Variants in SH2D4B observed in about 807,000 individuals in gnomAD.
SH2D4B encodes SH2 domain containing 4B, also known as SH2 domain-containing protein 4B.
In SH2D4B, 45 loss-of-function variants were observed where a neutral mutation model predicts 61.5. That is an observed-to-expected ratio of 0.73 (90% CI 0.58 to 0.94). The LOEUF (loss-of-function observed/expected upper bound fraction) is 0.94, where lower values mean the gene tolerates loss of function less well. Among genes scored for constraint, SH2D4B ranks in the 40% least tolerant of loss-of-function variants. SH2D4B has a pLI of 0.00. For missense variants in SH2D4B, 572 were observed against 574.2 expected (o/e 1.00, Z 0.04); for synonymous variants, 224 against 220.4 (o/e 1.02, Z -0.14).
intron 6 of SH2D4B, among the ~76,000 whole-genome samples, chr10:80,622,833 C>G (rs1842729914): frequency 6.6e-6 from 1 of 152,192 alleles, no homozygotes; most frequent in African/African-American, 2.4e-5. Context: ...GTGGTTTATT[C>G]CTACCACCAT....
intron 5 of SH2D4B, 135 bp from the exon 6 acceptor site, chr10:80,609,289 C>A: frequency 1.2e-6 from 1 of 807,904 alleles, no homozygotes; most frequent in Admixed American, 2.8e-5. Context: ...CTCCCCTGCC[C>A]CTTCTTCCAC....
At chr10:80,565,308 C>G (rs764413255) in intron 1 of SH2D4B, among the ~76,000 whole-genome samples, 5 of 152,168 alleles carry the variant, frequency 3.3e-5, no homozygotes, top group Non-Finnish European at 4.4e-5. Flanking sequence ...CTGTACCCCC[C>G]ACCCCCAGCC....
intron 3 of SH2D4B, among the ~76,000 whole-genome samples, chr10:80,582,738 A>G (rs1450011752): frequency 6.6e-6 from 1 of 152,162 alleles, no homozygotes; most frequent in East Asian, 1.9e-4. Flanking sequence ...AGACTTGAGG[A>G]AATTTACAAG....
intron 4 of SH2D4B, among the ~76,000 whole-genome samples, chr10:80,591,504 G>GCTT (rs1390293999): frequency 7.1e-5 from 8 of 113,376 alleles, no homozygotes; most frequent in Non-Finnish European, 1.1e-4. Context: ...AGCCAAACTG[G>GCTT]CTTTTTTTTT....
chr10:80,601,908 A>G (rs1842455123), intron 4 of SH2D4B, among the ~76,000 whole-genome samples: 1 of 152,208 alleles, frequency 6.6e-6, no homozygotes, highest in South Asian at 2.1e-4. Flanking sequence ...GGGCTGGGGC[A>G]TTAGCCTGGT....
chr10:80,540,462 C>T (rs1290032715), intron 1 of SH2D4B, among the ~76,000 whole-genome samples: 1 of 152,182 alleles, frequency 6.6e-6, no homozygotes, highest in African/African-American at 2.4e-5. Context: ...CCTTGCTGCT[C>T]CCGTGTCCCT....
At chr10:80,600,633 G>C (rs1403387047) in intron 4 of SH2D4B, among the ~76,000 whole-genome samples, 2 of 152,116 alleles carry the variant, frequency 1.3e-5, no homozygotes, top group Non-Finnish European at 2.9e-5. Flanking sequence ...GCAGGCCAAG[G>C]TGTTTGTATT....
Position 80,585,898 on chromosome 10 carries a change from G to A in SH2D4B, c.496-2732G>A, listed in dbSNP as rs1056687761. Among the ~76,000 whole-genome samples the A allele has an allele frequency of 6.6e-5, 10 of 152,078 alleles. 1 individual carries two copies. Among genetic ancestry groups the A allele is most frequent in the Admixed American group, 5.2e-4 (8 of 15,280 alleles). On this transcript the variant is annotated intron_variant, in intron 3 of 7. Transcript: ENST00000646907. ...GGAGGGAGAGGCACAAGCAGGAACCGGGGCTGCACGTGGCGCTTGCGGGCC... is the reference window on the plus strand; with the variant it reads ...GGAGGGAGAGGCACAAGCAGGAACCAGGGCTGCACGTGGCGCTTGCGGGCC...
intron 1 of SH2D4B, among the ~76,000 whole-genome samples, chr10:80,551,520 A>G (rs538541775): frequency 3.3e-5 from 5 of 152,334 alleles, no homozygotes; most frequent in African/African-American, 1.2e-4. Context: ...ACAAACAACC[A>G]ATAGAAAAAT....
At chr10:80,643,344 G>A (rs1484880127) in intron 7 of SH2D4B, among the ~76,000 whole-genome samples, 2 of 150,394 alleles carry the variant, frequency 1.3e-5, no homozygotes, top group Non-Finnish European at 3.0e-5. Flanking sequence ...AGCCTCTTCT[G>A]TTTGCTTTAT....
At chr10:80,631,302 A>G (rs34560976) in intron 6 of SH2D4B, among the ~76,000 whole-genome samples, 15,106 of 152,252 alleles carry the variant, frequency 0.099, 1,496 homozygotes, top group African/African-American at 0.26. Flanking sequence ...AGGCTAGAGT[A>G]TAGTGGCATG....
At chr10:80,552,874 CCT>C (rs990845563) in intron 1 of SH2D4B, among the ~76,000 whole-genome samples, 4 of 151,210 alleles carry the variant, frequency 2.6e-5, no homozygotes, top group Admixed American at 6.6e-5. Context: ...TCTTTCTCCC[CCT>C]CTCTCTCTTT....
chr10:80,570,052 T>C, intron 1 of SH2D4B, 102 bp from the exon 2 acceptor site: 1 of 1,384,560 alleles, frequency 7.2e-7, no homozygotes, highest in Middle Eastern at 1.9e-4. Flanking sequence ...GATGACAATG[T>C]TCCATAGAGT....
At position 80,595,038 on chromosome 10, in the gene SH2D4B, A is replaced by T. The variant is rs531983903; in HGVS notation, c.643+6261A>T. Among the ~76,000 whole-genome samples, 13 of 152,322 alleles carry T rather than the reference A, an allele frequency of 8.5e-5. No homozygotes were observed. The East Asian group carries it at 9.6e-4, about 11-fold the overall frequency. On this transcript the variant is annotated intron_variant, in intron 4 of 7. Coordinates refer to ENST00000646907, the MANE Select transcript of SH2D4B (RefSeq NM_001388272.1). ...CCAAACAGCGTCTAAAAAAAAAATTAAAAAAATTTAAAATTTAATTTTTAT... is the reference window on the plus strand; with the variant it reads ...CCAAACAGCGTCTAAAAAAAAAATTTAAAAAATTTAAAATTTAATTTTTAT...
intron 3 of SH2D4B, among the ~76,000 whole-genome samples, chr10:80,577,320 T>C (rs7912629): frequency 0.23 from 34,356 of 152,108 alleles, 4,905 homozygotes; most frequent in African/African-American, 0.39. Flanking sequence ...TTGACCTCAA[T>C]TGATACCAAG....
At chr10:80,635,024 C>T (rs1308487667) in intron 7 of SH2D4B, among the ~76,000 whole-genome samples, 10 of 152,168 alleles carry the variant, frequency 6.6e-5, no homozygotes, top group Non-Finnish European at 1.5e-5. Context: ...GAGCCAGCAC[C>T]TTAGTCTCAC....
intron 3 of SH2D4B, among the ~76,000 whole-genome samples, chr10:80,585,967 G>T (rs1482835016): frequency 6.6e-6 from 1 of 151,928 alleles, no homozygotes; most frequent in East Asian, 1.9e-4. Flanking sequence ...CCCCACACTC[G>T]GAGCGTCGAG....
At chr10:80,582,632 A>G (rs565114330) in intron 3 of SH2D4B, among the ~76,000 whole-genome samples, 1 of 152,346 alleles carries the variant, frequency 6.6e-6, no homozygotes, top group East Asian at 1.9e-4. Flanking sequence ...GGGCTCATGT[A>G]GAACCTATTC....
In SH2D4B at chr10:80,571,560, C is replaced by T; in HGVS notation, c.477C>T (p.Arg159=). 3.1e-6 allele frequency: 5 copies of T among 1,613,974 alleles called. No homozygotes were observed. The highest frequency in any genetic ancestry group is 4.2e-6 in the Non-Finnish European group (5 of 1,179,980). Residue 159 remains arginine (R), a synonymous_variant, in exon 3 of 8, where the codon CGC becomes CGT. Coordinates refer to ENST00000646907, the MANE Select transcript of SH2D4B (RefSeq NM_001388272.1). ...DRKAAKVLEE[R]IHEEFKRKEE... ...AGGCTGCCAAAGTCCTGGAGGAACG[C>T]ATCCACGAGGAATTCAAGGTGGGCC...
Sources: allele counts gnomAD v4.1 joint callset (sites outside exome capture counted in the v4.1 genomes callset), GRCh38; gene constraint gnomAD v4.1.1; transcripts MANE v1.5; gene names NCBI Gene and HGNC (gene_info 2026-07-23, HGNC 2026-07-21).